CHRNB2: variants seen among roughly 807,000 people sequenced by gnomAD.
CHRNB2 encodes the protein cholinergic receptor nicotinic beta 2 subunit, also known as neuronal acetylcholine receptor subunit beta-2.
CHRNB2 carries 33 observed loss-of-function variants against 42.7 expected under a neutral mutation model. The observed-to-expected ratio is 0.77, with a 90% CI of 0.59 to 1.03. CHRNB2 has a LOEUF of 1.03. CHRNB2 is among the 50% of genes least tolerant of loss of function. CHRNB2 has a pLI of 0.00. For missense variants in CHRNB2, 603 were observed against 700.9 expected, an observed-to-expected ratio of 0.86 and a Z score of 1.58; for synonymous variants, 325 against 292.9, an observed-to-expected ratio of 1.11 and a Z score of -1.12.
Position 154,568,006 on chromosome 1 carries a change from C to A in CHRNB2, c.-39C>A. 1 of 1,508,328 alleles carries A rather than the reference C, an allele frequency of 6.6e-7. No homozygotes were observed. The highest frequency in any genetic ancestry group is 8.8e-7 in the Non-Finnish European group (1 of 1,133,150). The allele number at this position is 1,508,328 out of a possible 1,614,324, so 93.4% of individuals were successfully genotyped here. A position where few individuals can be genotyped will look rare whatever the true frequency, so the allele number is the denominator to read the frequency against. On this transcript the variant is annotated 5_prime_UTR_variant, in exon 1 of 6. Transcript: ENST00000368476. Reference sequence around the variant, plus strand: ...GCGGCCCTCCCCCCGGCGGCGCGCTCCAGCCGGTGTAGGCGAGGCAGCGAG... The same window carrying A: ...GCGGCCCTCCCCCCGGCGGCGCGCTACAGCCGGTGTAGGCGAGGCAGCGAG...
At position 154,571,885 on chromosome 1, in the gene CHRNB2, T is replaced by C. The variant is rs777185375; in HGVS notation, c.1062T>C (p.His354=). The C allele has an allele frequency of 4.4e-6, 7 of 1,596,064 alleles. No homozygotes were observed. The highest frequency in any genetic ancestry group is 4.3e-6 in the Non-Finnish European group (5 of 1,174,418). ...PALLFMQQPR[H]HCARQRLRLR... is the part of the protein sequence containing the mutation. ...TGCTCTTCATGCAGCAGCCACGCCA[T>C]CATTGCGCCCGTCAGCGCCTGCGCC... Residue 354 remains histidine (H), a synonymous_variant, in exon 5 of 6, where the codon CAT becomes CAC. Coordinates refer to ENST00000368476, the MANE Select transcript of CHRNB2 (RefSeq NM_000748.3). The surrounding 1 kb of genome is among the most constrained non-coding windows in gnomAD (Gnocchi z 6.8).
rs200048991 is a variant in CHRNB2 at position 154,571,825 on chromosome 1, G to C, written c.1002G>C (p.Trp334Cys). Residue 334 changes from tryptophan to cysteine, a missense_variant, in exon 5 of 6, where the codon TGG becomes TGC. Trp to Cys is a radical substitution (Grantham distance 215). Around this residue, in one of 2 missense-constraint regions of CHRNB2, gnomAD observed 270 missense variants for 248.3 expected, o/e 1.09. Transcript: ENST00000368476. This position sits in a 1 kb window ranked among gnomAD's most constrained non-coding sequence, Gnocchi z 6.8. ...CCACCACGCACACCATGGCGCCCTG[G>C]GTGAAGGTCGTCTTCCTGGAGAAGC... ...RSPTTHTMAPWVKVVFLEKLP... is the reference protein window; with the variant it reads ...RSPTTHTMAPCVKVVFLEKLP... The C allele has an allele frequency of 5.6e-6, 9 of 1,613,548 alleles. No individual in the cohort carries two copies. The highest frequency in any genetic ancestry group is 7.6e-6 in the Non-Finnish European group (9 of 1,179,982).
At chr1:154,575,643 T>C in intron 5 of CHRNB2, 119 bp from the exon 6 acceptor site, 1 of 1,050,234 alleles carries the variant, frequency 9.5e-7, no homozygotes, top group Non-Finnish European at 1.5e-6. Context: ...AACAAGATCA[T>C]TCTGGGATCA....
At position 154,576,264 on chromosome 1, in the gene CHRNB2, G is replaced by C. The variant is rs749613312; in HGVS notation, c.*332G>C. 8 of 415,430 alleles carry C rather than the reference G, an allele frequency of 1.9e-5. No homozygotes were observed. The highest frequency in any genetic ancestry group is 3.7e-5 in the Non-Finnish European group (8 of 219,026). The allele number at this position is 415,430 out of a possible 1,614,324, so 25.7% of individuals were successfully genotyped here. On this transcript the variant is annotated 3_prime_UTR_variant, in exon 6 of 6. Coordinates refer to ENST00000368476, the MANE Select transcript of CHRNB2 (RefSeq NM_000748.3). The stretch of plus-strand genomic sequence containing the variant: ...GAGTGATGGGCAAGGGGCCAGGAAG[G>C]GGACAGGATTGTCTGCTGCCTCCAA...
intron 1 of CHRNB2, among the ~76,000 whole-genome samples, chr1:154,568,948 G>A (rs1044844712): frequency 3.3e-5 from 5 of 151,884 alleles, no homozygotes; most frequent in Non-Finnish European, 7.4e-5. Flanking sequence ...ATTACGTGAG[G>A]CACATAATGT....
chr1:154,571,534 C>T lies in CHRNB2; in HGVS notation c.711C>T (p.Tyr237=), dbSNP rs1571022132. 6.2e-7 allele frequency: 1 copy of T among 1,614,166 alleles called. No individual in the cohort carries two copies. Residue 237 remains tyrosine, a synonymous_variant, in exon 5 of 6, where the codon TAC becomes TAT. Coordinates refer to ENST00000368476, the MANE Select transcript of CHRNB2 (RefSeq NM_000748.3). This position sits in a 1 kb window ranked among gnomAD's most constrained non-coding sequence, Gnocchi z 6.8. The stretch of plus-strand genomic sequence containing the variant: ...TCATTCGCCGCAAGCCGCTCTTCTA[C>T]ACCATCAACCTCATCATCCCCTGTG... ...DFIIRRKPLF[Y]TINLIIPCVL...
chr1:154,572,677 G>C (rs1295716563), intron 5 of CHRNB2, among the ~76,000 whole-genome samples: 1 of 152,098 alleles, frequency 6.6e-6, no homozygotes, highest in Non-Finnish European at 1.5e-5. Context: ...TGGTGGCGGG[G>C]TTAGAGATTC....
rs796516083 is a variant in CHRNB2, at chr1:154,577,303, TGACAC to T, written c.*1372_*1376del. On this transcript the variant is annotated 3_prime_UTR_variant, in exon 6 of 6. Coordinates refer to ENST00000368476, the MANE Select transcript of CHRNB2 (RefSeq NM_000748.3). ...CCAAGTGCACCTGAGGGACCTGACC[TGACAC>T]AAGCCATTTTGTCCCTAGAGCCCAG... The T allele has an allele frequency of 6.6e-6, 1 of 152,316 alleles. No homozygotes were observed. The highest frequency in any genetic ancestry group is 2.4e-5 in the African/African-American group (1 of 41,452). The allele number at this position is 152,316 out of a possible 1,614,324, so 9.4% of individuals were successfully genotyped here.
At position 154,578,155 on chromosome 1, in the gene CHRNB2, C is replaced by T. The variant is rs1042323578; in HGVS notation, c.*2223C>T. ...GGGGAAGGCGTCTTGGAACCAGAAA[C>T]AGCAACAGGAAAGGAGCCTCCCTCT... On this transcript the variant is annotated 3_prime_UTR_variant, in exon 6 of 6. Coordinates refer to ENST00000368476, the MANE Select transcript of CHRNB2 (RefSeq NM_000748.3). The T allele has an allele frequency of 6.6e-6, 1 of 152,382 alleles. No individual in the cohort carries two copies. Among genetic ancestry groups the T allele is most frequent in the Non-Finnish European group, 1.5e-5 (1 of 68,166 alleles). The allele number at this position is 152,382 out of a possible 1,614,324, so 9.4% of individuals were successfully genotyped here.
chr1:154,571,141 G>A lies in CHRNB2; in HGVS notation c.366-48G>A, dbSNP rs201132981. On this transcript the variant is annotated intron_variant, in intron 4 of 5. Transcript: ENST00000368476. This position sits in a 1 kb window ranked among gnomAD's most constrained non-coding sequence, Gnocchi z 6.8. Reference sequence around the variant, plus strand: ...ATTAGGGGCTGGGTTGATGGGTAAGGAGGAAGGAACGCTTAGGCCAGGGCT... The same window carrying A: ...ATTAGGGGCTGGGTTGATGGGTAAGAAGGAAGGAACGCTTAGGCCAGGGCT... 110 of 1,613,558 alleles carry A rather than the reference G, an allele frequency of 6.8e-5. 1 individual carries two copies. The African/African-American group carries it at 8.8e-4, about 13-fold the overall frequency.
Position 154,576,843 on chromosome 1 carries a change from C to G in CHRNB2, c.*911C>G, listed in dbSNP as rs200184943. The G allele has an allele frequency of 2.6e-5, 4 of 152,212 alleles. No individual in the cohort carries two copies. The highest frequency in any genetic ancestry group is 5.9e-5 in the Non-Finnish European group (4 of 68,050). The allele number at this position is 152,212 out of a possible 1,614,324, so 9.4% of individuals were successfully genotyped here. A position where few individuals can be genotyped will look rare whatever the true frequency, so the allele number is the denominator to read the frequency against. ...CATGTTGCAGATGAAGAAACTGACCCACACGGTGAGACAAGCACAGGTGGG... is the reference window on the plus strand; with the variant it reads ...CATGTTGCAGATGAAGAAACTGACCGACACGGTGAGACAAGCACAGGTGGG... On this transcript the variant is annotated 3_prime_UTR_variant, in exon 6 of 6. Transcript: ENST00000368476.
rs200177119 is a variant in CHRNB2, at chr1:154,575,756, A to T, written c.1339-6A>T. On this transcript the variant is annotated splice_polypyrimidine_tract_variant and splice_region_variant and intron_variant, in intron 5 of 5. Coordinates refer to ENST00000368476, the MANE Select transcript of CHRNB2 (RefSeq NM_000748.3). ...GACCTGGGCCTCCTCCGTCTCCTCC[A>T]TCCAGGTGAGTGAGGACTGGAAGTA... The T allele has an allele frequency of 4.4e-5, 71 of 1,614,036 alleles. 2 individuals are homozygous for T. Among genetic ancestry groups the T allele is most frequent in the Admixed American group, 3.0e-4 (18 of 60,022 alleles).
In CHRNB2 at chr1:154,568,012, G is replaced by C. The variant is rs765878419; in HGVS notation, c.-33G>C. Reference sequence around the variant, plus strand: ...CTCCCCCCGGCGGCGCGCTCCAGCCGGTGTAGGCGAGGCAGCGAGCTATGC... The same window carrying C: ...CTCCCCCCGGCGGCGCGCTCCAGCCCGTGTAGGCGAGGCAGCGAGCTATGC... On this transcript the variant is annotated 5_prime_UTR_variant, in exon 1 of 6. Transcript: ENST00000368476. 2.0e-6 allele frequency: 3 copies of C among 1,524,568 alleles called. No homozygotes were observed. Among genetic ancestry groups the C allele is most frequent in the African/African-American group, 2.8e-5 (2 of 70,458 alleles). 94.4% of individuals were successfully genotyped at this position (1,524,568 alleles called of 1,614,324 possible).
At position 154,569,519 on chromosome 1, in the gene CHRNB2, G is replaced by A. The variant is rs199999862; in HGVS notation, c.122G>A (p.Arg41His). The A allele has an allele frequency of 2.8e-5, 45 of 1,613,838 alleles. No individual in the cohort carries two copies. Among genetic ancestry groups the A allele is most frequent in the Admixed American group, 1.2e-4 (7 of 59,980 alleles). ...GTGGAGCATCTCCTGGATCCTTCCCGCTACAACAAGCTTATCCGCCCAGCC... is the reference window on the plus strand; with the variant it reads ...GTGGAGCATCTCCTGGATCCTTCCCACTACAACAAGCTTATCCGCCCAGCC... ...RLVEHLLDPS[R>H]YNKLIRPATN... Residue 41 changes from arginine (R) to histidine (H), a missense_variant, in exon 2 of 6, where the codon CGC becomes CAC. By Grantham distance (29) the Arg-to-His change is conservative. Around this residue, in one of 2 missense-constraint regions of CHRNB2, gnomAD observed 333 missense variants for 452.6 expected, o/e 0.74. Transcript: ENST00000368476.
chr1:154,572,997 G>T (rs1383239910), intron 5 of CHRNB2, among the ~76,000 whole-genome samples: 1 of 152,202 alleles, frequency 6.6e-6, no homozygotes, highest in African/African-American at 2.4e-5. Context: ...GCTGGTTCCA[G>T]GCTGAGGCTC....
chr1:154,578,493 G>C lies in CHRNB2; in HGVS notation c.*2561G>C, dbSNP rs1232593449. On this transcript the variant is annotated 3_prime_UTR_variant, in exon 6 of 6. Coordinates refer to ENST00000368476, the MANE Select transcript of CHRNB2 (RefSeq NM_000748.3). ...AGAGCTAGCCGAGGTCTTCAGCAAG[G>C]AAGAAAGGGGTCAGTGTATATGAAA... 1 of 152,246 alleles carries C rather than the reference G, an allele frequency of 6.6e-6. No individual in the cohort carries two copies. Among genetic ancestry groups the C allele is most frequent in the African/African-American group, 2.4e-5 (1 of 41,450 alleles). The allele number at this position is 152,246 out of a possible 1,614,324, so 9.4% of individuals were successfully genotyped here.
Position 154,571,375 on chromosome 1 carries a change from C to T in CHRNB2, c.552C>T (p.Asp184=). 12 of 1,614,220 alleles carry T rather than the reference C, an allele frequency of 7.4e-6. No homozygotes were observed. Among genetic ancestry groups the T allele is most frequent in the Non-Finnish European group, 1.0e-5 (12 of 1,180,040 alleles). The change falls in exon 5 of 6, where the codon GAC becomes GAT. Residue 184 remains aspartate (D), a synonymous_variant. Transcript: ENST00000368476. The surrounding 1 kb of genome is among the most constrained non-coding windows in gnomAD (Gnocchi z 6.8). ...RSWTYDRTEI[D]LVLKSEVASL... is the part of the protein sequence containing the mutation. ...GGACCTACGACCGCACAGAGATCGA[C>T]TTGGTGCTGAAGAGTGAGGTGGCCA... is the stretch of plus-strand genomic sequence containing the variant.
chr1:154,571,092 T>G lies in CHRNB2; in HGVS notation c.366-97T>G. 1 of 1,607,710 alleles carries G rather than the reference T, an allele frequency of 6.2e-7. No homozygotes were observed. The highest frequency in any genetic ancestry group is 8.5e-7 in the Non-Finnish European group (1 of 1,179,614). ...GATCTGGGTGTCCCCTCCCCATGTC[T>G]CCCTCTGGTTTTGCTCTCCTCCCAT... On this transcript the variant is annotated intron_variant, in intron 4 of 5. Transcript: ENST00000368476. The surrounding 1 kb of genome is among the most constrained non-coding windows in gnomAD (Gnocchi z 6.8).
At chr1:154,569,374 C>T in intron 1 of CHRNB2, 88 bp from the exon 2 acceptor site, 1 of 1,532,162 alleles carries the variant, frequency 6.5e-7, no homozygotes, top group South Asian at 1.2e-5. Context: ...CTGGTTGGGC[C>T]TGGATTGTCC....
Sources: gnomAD v4.1 joint callset for allele counts (sites outside exome capture counted in the v4.1 genomes callset) on GRCh38, gnomAD v4.1.1 for gene constraint, gnomAD v4.1.1 regional missense constraint, Gnocchi (gnomAD v3.1) non-coding constraint, MANE v1.5 for transcripts, NCBI Gene and HGNC (gene_info 2026-07-23, HGNC 2026-07-21) for gene names.